PRDM16: variants seen among roughly 807,000 people sequenced by gnomAD.
PRDM16 encodes PR/SET domain 16.
Under a neutral mutation model 110.6 loss-of-function variants are expected in PRDM16, and 23 were observed. The observed-to-expected ratio is 0.21, with a 90% CI of 0.15 to 0.29. The LOEUF (loss-of-function observed/expected upper bound fraction) is 0.29, where lower values mean the gene tolerates loss of function less well. PRDM16 is among the 10% of genes least tolerant of loss of function. The pLI, the probability that PRDM16 is intolerant of heterozygous loss-of-function variation, is 1.00. For synonymous variants in PRDM16, 799 were observed against 781.8 expected (o/e 1.02, Z -0.37); for missense variants, 1,615 against 1,794.3 (o/e 0.90, Z 1.81).
rs138738185 is a variant in PRDM16 at position 3,350,875 on chromosome 1, AC to A, written c.439-34271del. Reference sequence around the variant, plus strand: ...AGGCACTTCTGGCTGGGGGATATACACCCCCCAGTCCTTGCAGAGCCCACTC... The same window carrying A: ...AGGCACTTCTGGCTGGGGGATATACACCCCCAGTCCTTGCAGAGCCCACTC... On this transcript the variant is annotated intron_variant, in intron 3 of 16. Coordinates refer to ENST00000270722, the MANE Select transcript of PRDM16 (RefSeq NM_022114.4). The surrounding 1 kb of genome is among the most constrained non-coding windows in gnomAD (Gnocchi z 7.1). 9.5e-3 allele frequency among the ~76,000 whole-genome samples: 1,443 copies of A among 151,154 alleles called. 17 individuals carry two copies. The highest frequency in any genetic ancestry group is 0.032 in the African/African-American group (1,316 of 41,086).
chr1:3,119,226 C>T (rs556158759), intron 1 of PRDM16, among the ~76,000 whole-genome samples: 10 of 152,364 alleles, frequency 6.6e-5, no homozygotes, highest in South Asian at 6.2e-4. Flanking sequence ...CCCACCCCGG[C>T]GGCCACAGTG....
At chr1:3,125,711 C>T (rs557383206) in intron 1 of PRDM16, among the ~76,000 whole-genome samples, 24 of 152,366 alleles carry the variant, frequency 1.6e-4, no homozygotes, top group African/African-American at 5.3e-4. Flanking sequence ...CTGTCGGTCA[C>T]GGCAGGTTGG....
At chr1:3,113,997 C>G (rs1423065795) in intron 1 of PRDM16, among the ~76,000 whole-genome samples, 1 of 152,162 alleles carries the variant, frequency 6.6e-6, no homozygotes, top group East Asian at 1.9e-4. Context: ...CCTCTGTTTT[C>G]TTTGGTTTTG....
intron 3 of PRDM16, among the ~76,000 whole-genome samples, chr1:3,324,759 A>C (rs1203053734): frequency 2.5e-5 from 3 of 121,004 alleles, no homozygotes; most frequent in Admixed American, 1.7e-4. Context: ...TTCCGTCATC[A>C]CCCCCCTACC....
At chr1:3,180,080 C>T (rs539472760) in intron 1 of PRDM16, among the ~76,000 whole-genome samples, 1 of 152,270 alleles carries the variant, frequency 6.6e-6, no homozygotes, top group Admixed American at 6.5e-5. Flanking sequence ...TTTCAGGGAA[C>T]TGCACAGCAA....
intron 2 of PRDM16, among the ~76,000 whole-genome samples, chr1:3,202,031 C>A (rs1180969603): frequency 1.3e-5 from 2 of 152,190 alleles, no homozygotes; most frequent in Non-Finnish European, 1.5e-5. Context: ...GAGAGGTCCC[C>A]ACTGCCTTCT....
intron 1 of PRDM16, among the ~76,000 whole-genome samples, chr1:3,099,939 G>A (rs1411159968): frequency 1.3e-5 from 2 of 152,186 alleles, no homozygotes; most frequent in Non-Finnish European, 2.9e-5. Context: ...GAAATCGGGG[G>A]TCGGTGGCAA....
At chr1:3,162,757 C>A (rs1357408784) in intron 1 of PRDM16, among the ~76,000 whole-genome samples, 2 of 152,216 alleles carry the variant, frequency 1.3e-5, no homozygotes, top group African/African-American at 4.8e-5. Flanking sequence ...GTGGCAGGGA[C>A]CTGGTGACGC....
At chr1:3,122,073 C>T (rs1420091236) in intron 1 of PRDM16, among the ~76,000 whole-genome samples, 1 of 152,228 alleles carries the variant, frequency 6.6e-6, no homozygotes, top group South Asian at 2.1e-4. Flanking sequence ...TCACCGCGAG[C>T]CCCTTTCCTG....
At position 3,382,548 on chromosome 1, in the gene PRDM16, C is replaced by A. The variant is rs1348938919; in HGVS notation, c.439-2604C>A. On this transcript the variant is annotated intron_variant, in intron 3 of 16. Coordinates refer to ENST00000270722, the MANE Select transcript of PRDM16 (RefSeq NM_022114.4). The surrounding 1 kb of genome is among the most constrained non-coding windows in gnomAD (Gnocchi z 6.6). Reference sequence around the variant, plus strand: ...CAGCAGGGTGGCCACAGACTCCCCACCAAAGCGAGGCTTGAGCCAGCCGGG... The same window carrying A: ...CAGCAGGGTGGCCACAGACTCCCCAACAAAGCGAGGCTTGAGCCAGCCGGG... Among the ~76,000 whole-genome samples, 1 of 152,208 alleles carries A rather than the reference C, an allele frequency of 6.6e-6. No individual in the cohort carries two copies. The highest frequency in any genetic ancestry group is 2.4e-5 in the African/African-American group (1 of 41,438).
chr1:3,121,856 G>A (rs1474221348), intron 1 of PRDM16, among the ~76,000 whole-genome samples: 1 of 152,234 alleles, frequency 6.6e-6, no homozygotes, highest in Non-Finnish European at 1.5e-5. Flanking sequence ...GCGGGAAGTG[G>A]AGGAAGAAGG....
At position 3,274,566 on chromosome 1, in the gene PRDM16, T is replaced by C. The variant is rs12032633; in HGVS notation, c.438+30429T>C. ...AATAAAATAGTGCACTTGTGCTTAG[T>C]GGCTTTAATCAGCCCTGACTTTTGA... On this transcript the variant is annotated intron_variant, in intron 3 of 16. Coordinates refer to ENST00000270722, the MANE Select transcript of PRDM16 (RefSeq NM_022114.4). Among the ~76,000 whole-genome samples, 15 of 152,380 alleles carry C rather than the reference T, an allele frequency of 9.8e-5. No homozygotes were observed. In the East Asian group the frequency reaches 2.7e-3, roughly 27 times the overall value.
At chr1:3,409,284 G>A (rs1238249837) in intron 8 of PRDM16, among the ~76,000 whole-genome samples, 1 of 151,976 alleles carries the variant, frequency 6.6e-6, no homozygotes, top group African/African-American at 2.4e-5. Context: ...CGGCAGGGCT[G>A]AGTGCCTCCC....
At chr1:3,409,847 G>GT (rs1553175985) in intron 8 of PRDM16, among the ~76,000 whole-genome samples, 1 of 51,904 alleles carries the variant, frequency 1.9e-5, no homozygotes, top group Non-Finnish European at 3.5e-5. Flanking sequence ...GTGTGGTGTG[G>GT]GTGTGTGTGT....
chr1:3,183,998 C>G (rs1433750921), intron 1 of PRDM16, among the ~76,000 whole-genome samples: 1 of 139,532 alleles, frequency 7.2e-6, no homozygotes. Flanking sequence ...TTAATTACCA[C>G]CCCCCCCAAT....
At chr1:3,373,091 A>T (rs992875713) in intron 3 of PRDM16, among the ~76,000 whole-genome samples, 1 of 152,222 alleles carries the variant, frequency 6.6e-6, no homozygotes, top group Non-Finnish European at 1.5e-5. Context: ...CGTAAGGAGC[A>T]GGACACCCAG....
intron 3 of PRDM16, among the ~76,000 whole-genome samples, chr1:3,325,004 C>T (rs1292854285): frequency 2.6e-5 from 4 of 152,168 alleles, no homozygotes; most frequent in African/African-American, 7.2e-5. Flanking sequence ...CACCTGGTAG[C>T]GCACAGTTTC....
chr1:3,299,046 C>A (rs546706324), intron 3 of PRDM16, among the ~76,000 whole-genome samples: 1 of 152,218 alleles, frequency 6.6e-6, no homozygotes, highest in African/African-American at 2.4e-5. Flanking sequence ...ACCACCAAAA[C>A]GCACACAGCA....
rs531043780 is a variant in PRDM16 at position 3,213,629 on chromosome 1, C to T, written c.387+27155C>T. Among the ~76,000 whole-genome samples the T allele has an allele frequency of 6.6e-6, 1 of 152,266 alleles. No homozygotes were observed. Among genetic ancestry groups the T allele is most frequent in the African/African-American group, 2.4e-5 (1 of 41,552 alleles). On this transcript the variant is annotated intron_variant, in intron 2 of 16. Transcript: ENST00000270722. This position sits in a 1 kb window ranked among gnomAD's most constrained non-coding sequence, Gnocchi z 5.3. ...TGCGGCATTCTGGAGGGAGGTGGCA[C>T]TTGTTTCCATGAGATGCTCCAAGCT... is the stretch of plus-strand genomic sequence containing the variant.
Sources: gnomAD v4.1 joint callset for allele counts (sites outside exome capture counted in the v4.1 genomes callset) on GRCh38, gnomAD v4.1.1 for gene constraint, Gnocchi (gnomAD v3.1) non-coding constraint, MANE v1.5 for transcripts, NCBI Gene and HGNC (gene_info 2026-07-23, HGNC 2026-07-21) for gene names.